The following SLC8A1 variants were observed in gnomAD, a reference collection of about 807,000 sequenced individuals.
SLC8A1 encodes the protein solute carrier family 8 member A1.
A neutral mutation model predicts 68.3 loss-of-function variants in SLC8A1; 18 were observed. The ratio of observed to expected loss-of-function variants is 0.26; its 90% confidence interval spans 0.18 to 0.39. SLC8A1 has a LOEUF of 0.39. SLC8A1 is among the 10% of genes least tolerant of loss of function. SLC8A1 has a pLI of 1.00. For synonymous variants in SLC8A1, 475 were observed against 415.5 expected, an observed-to-expected ratio of 1.14 and a Z score of -1.74; for missense variants, 985 against 1,156.7, an observed-to-expected ratio of 0.85 and a Z score of 2.15.
intron 7 of SLC8A1, among the ~76,000 whole-genome samples, chr2:40,126,058 C>G (rs1332715841): frequency 1.3e-5 from 2 of 152,098 alleles, no homozygotes; most frequent in East Asian, 1.9e-4. Flanking sequence ...CCTTAGGGGT[C>G]AGATGAATGT....
chr2:40,294,801 TA>T (rs2070028315), intron 2 of SLC8A1, among the ~76,000 whole-genome samples: 1 of 152,190 alleles, frequency 6.6e-6, no homozygotes, highest in Admixed American at 6.6e-5. Context: ...TAAAAAGGTA[TA>T]GCGCTTACTG....
chr2:40,208,701 T>C (rs1287892586), intron 2 of SLC8A1, among the ~76,000 whole-genome samples: 2 of 152,164 alleles, frequency 1.3e-5, no homozygotes, highest in African/African-American at 2.4e-5. Flanking sequence ...AGAGGAATCC[T>C]TGGGGCTCTC....
chr2:40,378,939 C>A (rs1177429088), intron 2 of SLC8A1, among the ~76,000 whole-genome samples: 1 of 152,064 alleles, frequency 6.6e-6, no homozygotes, highest in Non-Finnish European at 1.5e-5. Context: ...TGTATTCATG[C>A]TAGGCATTTA....
intron 2 of SLC8A1, among the ~76,000 whole-genome samples, chr2:40,253,323 CAT>C (rs1393590617): frequency 1.3e-5 from 2 of 150,714 alleles, no homozygotes; most frequent in African/African-American, 2.4e-5. Context: ...TATACACACA[CAT>C]ATATGTGTAT....
intron 6 of SLC8A1, among the ~76,000 whole-genome samples, chr2:40,143,889 G>A (rs756204007): frequency 3.0e-4 from 46 of 152,170 alleles, no homozygotes; most frequent in Non-Finnish European, 5.6e-4. Flanking sequence ...GGACACGTGG[G>A]TCAGAAGACT....
intron 2 of SLC8A1, among the ~76,000 whole-genome samples, chr2:40,293,557 AT>A (rs1399146481): frequency 6.6e-6 from 1 of 152,130 alleles, no homozygotes. Context: ...AAATTTAAAC[AT>A]TGCTCTCTTC....
rs567332037 is a variant in SLC8A1 at position 40,290,203 on chromosome 2, T to A, written c.1809-112348A>T. Among the ~76,000 whole-genome samples the A allele has an allele frequency of 2.0e-5, 3 of 150,952 alleles. No homozygotes were observed. In the South Asian group the frequency reaches 6.3e-4, roughly 32 times the overall value. ...TACTGTGCCTTGCAAGGTGCCTGGA[T>A]GAAATGAAAGTGAAAGAATGGGAAA... is the stretch of plus-strand genomic sequence containing the variant. On this transcript the variant is annotated intron_variant, in intron 2 of 7. Coordinates refer to ENST00000406785, the Ensembl canonical transcript of SLC8A1.
At position 40,343,707 on chromosome 2, in the gene SLC8A1, G is replaced by A. The variant is rs76359686; in HGVS notation, c.1808+84766C>T. Among the ~76,000 whole-genome samples the A allele has an allele frequency of 3.1e-3, 477 of 152,182 alleles. 3 individuals are homozygous for A. The highest frequency in any genetic ancestry group is 0.011 in the African/African-American group (459 of 41,522). On this transcript the variant is annotated intron_variant, in intron 2 of 7. Coordinates refer to ENST00000406785, the Ensembl canonical transcript of SLC8A1. ...ATAGACATATCATAAGTTCTGTAGT[G>A]TAAAGGAAAAAGATGTTCATGACAG...
intron 2 of SLC8A1, among the ~76,000 whole-genome samples, chr2:40,368,405 C>A (rs1321821535): frequency 2.0e-5 from 3 of 151,794 alleles, no homozygotes; most frequent in Admixed American, 1.3e-4. Context: ...TTTTAATGAA[C>A]CTATTTTAGT....
At chr2:40,405,060 T>C (rs973139733) in intron 2 of SLC8A1, among the ~76,000 whole-genome samples, 6 of 152,152 alleles carry the variant, frequency 3.9e-5, no homozygotes, top group Non-Finnish European at 5.9e-5. Context: ...CCCAGCCCCA[T>C]AGGATGTAAT....
At chr2:40,255,429 TACA>T (rs1379035295) in intron 2 of SLC8A1, among the ~76,000 whole-genome samples, 3 of 152,292 alleles carry the variant, frequency 2.0e-5, no homozygotes, top group East Asian at 3.9e-4. Context: ...AGGGAAAATG[TACA>T]ACATTTCTTC....
intron 2 of SLC8A1, among the ~76,000 whole-genome samples, chr2:40,211,618 C>A (rs560797585): frequency 7.2e-5 from 11 of 152,270 alleles, no homozygotes; most frequent in Admixed American, 4.6e-4. Context: ...AGCAGAGCAG[C>A]AGACCCTGTG....
chr2:40,208,800 C>T (rs1267793113), intron 2 of SLC8A1, among the ~76,000 whole-genome samples: 2 of 152,016 alleles, frequency 1.3e-5, no homozygotes, highest in Admixed American at 6.5e-5. Context: ...TTTCCTTCTC[C>T]TCTCATGTAT....
chr2:40,411,484 T>A (rs1692116599), intron 2 of SLC8A1, among the ~76,000 whole-genome samples: 1 of 152,018 alleles, frequency 6.6e-6, no homozygotes, highest in Non-Finnish European at 1.5e-5. Flanking sequence ...TATTCCAATT[T>A]GAGAATTTAG....
chr2:40,390,369 C>T (rs1684894699), intron 2 of SLC8A1, among the ~76,000 whole-genome samples: 1 of 152,008 alleles, frequency 6.6e-6, no homozygotes, highest in African/African-American at 2.4e-5. Context: ...TTCACCTCAG[C>T]TCCAAAGTCT....
intron 1 of SLC8A1, among the ~76,000 whole-genome samples, chr2:40,505,885 C>T (rs115625317): frequency 1.7e-3 from 260 of 152,028 alleles, no homozygotes; most frequent in African/African-American, 5.8e-3. Flanking sequence ...AATTAATTCC[C>T]TTAGATAAAT....
chr2:40,266,357 T>A (rs1327026020), intron 2 of SLC8A1, among the ~76,000 whole-genome samples: 1 of 152,094 alleles, frequency 6.6e-6, no homozygotes, highest in Non-Finnish European at 1.5e-5. Flanking sequence ...GCTATATCAC[T>A]CTGAAGCCCC....
In SLC8A1 at chr2:40,414,682, T is replaced by A. The variant is rs894435683; in HGVS notation, c.1808+13791A>T. Among the ~76,000 whole-genome samples the A allele has an allele frequency of 2.0e-5, 3 of 152,170 alleles. No homozygotes were observed. In the South Asian group the frequency reaches 6.2e-4, roughly 32 times the overall value. On this transcript the variant is annotated intron_variant, in intron 2 of 7. Transcript: ENST00000406785. ...AGGTTTATTCATTGCTTAGGTACTTTTTCAATAACTCTTCTCTTGTTTAAA... is the reference window on the plus strand; with the variant it reads ...AGGTTTATTCATTGCTTAGGTACTTATTCAATAACTCTTCTCTTGTTTAAA...
chr2:40,259,241 G>A (rs1442162471), intron 2 of SLC8A1, among the ~76,000 whole-genome samples: 1 of 147,730 alleles, frequency 6.8e-6, no homozygotes, highest in Non-Finnish European at 1.5e-5. Flanking sequence ...CCACTTCCAA[G>A]GATGGAGATA....
Sources: gnomAD v4.1 joint callset for allele counts (sites outside exome capture counted in the v4.1 genomes callset) on GRCh38, gnomAD v4.1.1 for gene constraint, MANE v1.5 for transcripts, NCBI Gene and HGNC (gene_info 2026-07-23, HGNC 2026-07-21) for gene names.